TMEM267: variants seen among roughly 807,000 people sequenced by gnomAD.
TMEM267 encodes transmembrane protein C5orf28.
A neutral mutation model predicts 19.3 loss-of-function variants in TMEM267; 20 were observed. The ratio of observed to expected loss-of-function variants is 1.04; its 90% confidence interval spans 0.73 to 1.51. TMEM267 has a LOEUF of 1.51. Ranked by LOEUF, TMEM267 falls within the 40% of genes most tolerant of loss-of-function variation. The pLI is 0.00. For missense variants in TMEM267, 242 were observed against 261.9 expected, an observed-to-expected ratio of 0.92 and a Z score of 0.52; for synonymous variants, 88 against 90.3, an observed-to-expected ratio of 0.97 and a Z score of 0.15.
Position 43,445,019 on chromosome 5 carries a change from C to G in TMEM267, c.*1203G>C, listed in dbSNP as rs986897601. On this transcript the variant is annotated 3_prime_UTR_variant, in exon 3 of 3. Transcript: ENST00000397080. ...CATCTTTCCTCAGAGAATAAGGCAC[C>G]AATCACTAACATTATAAATCACAAA... The G allele has an allele frequency of 6.6e-6, 1 of 152,044 alleles. No homozygotes were observed. The highest frequency in any genetic ancestry group is 2.4e-5 in the African/African-American group (1 of 41,384). The allele number at this position is 152,044 out of a possible 1,614,324, so 9.4% of individuals were successfully genotyped here.
intron 1 of TMEM267, chr5:43,454,514 G>C (rs1742826385): frequency 6.6e-6 from 1 of 152,292 alleles, no homozygotes. Context: ...AAGTGGTCCA[G>C]GCTGAGCCAA....
intron 1 of TMEM267, among the ~76,000 whole-genome samples, chr5:43,469,716 T>G (rs951166492): frequency 1.3e-5 from 2 of 152,172 alleles, no homozygotes; most frequent in Non-Finnish European, 2.9e-5. Context: ...AAAAGTAAAC[T>G]TGGGAACTAT....
chr5:43,468,104 C>T (rs1184749442), intron 1 of TMEM267, among the ~76,000 whole-genome samples: 1 of 150,694 alleles, frequency 6.6e-6, no homozygotes, highest in African/African-American at 2.4e-5. Flanking sequence ...AACTTTCATA[C>T]CTTGGTTTAG....
intron 1 of TMEM267, among the ~76,000 whole-genome samples, chr5:43,481,987 C>G (rs1422589402): frequency 6.6e-6 from 1 of 152,136 alleles, no homozygotes; most frequent in African/African-American, 2.4e-5. Context: ...GGACTACAGG[C>G]GCCCGCCACC....
At chr5:43,478,239 T>G (rs889118679) in intron 1 of TMEM267, among the ~76,000 whole-genome samples, 1 of 152,238 alleles carries the variant, frequency 6.6e-6, no homozygotes, top group Non-Finnish European at 1.5e-5. Flanking sequence ...GTCTGTATAA[T>G]GTAATTTTAT....
At chr5:43,456,776 G>C (rs1292227606) in intron 1 of TMEM267, among the ~76,000 whole-genome samples, 1 of 152,184 alleles carries the variant, frequency 6.6e-6, no homozygotes, top group Non-Finnish European at 1.5e-5. Context: ...GGAGCAACCA[G>C]AACTCATACG....
chr5:43,446,366 G>T lies in TMEM267; in HGVS notation c.504C>A (p.Cys168Ter). 6.2e-7 allele frequency: 1 copy of T among 1,614,040 alleles called. No individual in the cohort carries two copies. ...GCAAAGGAGAAGTTTTTCCAAATGG[G>T]CATATCCACAAACCATGACGAATCC... The part of the protein sequence containing the change: ...RDGIRHGLWI[C>*]PFGKTSPLPF... The change falls in exon 3 of 3, where the codon TGC becomes TGA. Residue 168 changes from cysteine to a stop codon, truncating the protein, a stop_gained. Transcript: ENST00000397080. LOFTEE classifies it high-confidence loss of function.
At chr5:43,457,040 T>A (rs1011512746) in intron 1 of TMEM267, among the ~76,000 whole-genome samples, 1 of 151,968 alleles carries the variant, frequency 6.6e-6, no homozygotes, top group African/African-American at 2.4e-5. Flanking sequence ...GGAACAAACA[T>A]GTGATACACA....
intron 1 of TMEM267, among the ~76,000 whole-genome samples, chr5:43,480,979 T>C (rs923857142): frequency 1.3e-5 from 2 of 151,410 alleles, no homozygotes; most frequent in Non-Finnish European, 2.9e-5. Flanking sequence ...TAATTTTTTG[T>C]ATTTTTACTA....
At chr5:43,479,543 TA>T (rs1346703433) in intron 1 of TMEM267, among the ~76,000 whole-genome samples, 5 of 151,956 alleles carry the variant, frequency 3.3e-5, no homozygotes, top group African/African-American at 1.2e-4. Context: ...ATATGCACAT[TA>T]AATATATAAC....
chr5:43,458,880 A>G (rs999109905), intron 1 of TMEM267, among the ~76,000 whole-genome samples: 6 of 152,216 alleles, frequency 3.9e-5, no homozygotes. Flanking sequence ...CATCAAAATT[A>G]GTAAATGAGA....
At chr5:43,465,408 T>C (rs979929157) in intron 1 of TMEM267, among the ~76,000 whole-genome samples, 1 of 152,226 alleles carries the variant, frequency 6.6e-6, no homozygotes, top group African/African-American at 2.4e-5. Flanking sequence ...AGTGTGGCGA[T>C]TCCTCTGGGA....
chr5:43,462,039 C>A (rs1002226041), intron 1 of TMEM267, among the ~76,000 whole-genome samples: 2 of 152,278 alleles, frequency 1.3e-5, no homozygotes, highest in Middle Eastern at 3.4e-3. Context: ...GTAGTTGTGG[C>A]CACAGGGGTG....
chr5:43,467,231 T>A (rs1743793562), intron 1 of TMEM267, among the ~76,000 whole-genome samples: 1 of 151,618 alleles, frequency 6.6e-6, no homozygotes, highest in African/African-American at 2.4e-5. Flanking sequence ...AGTAAGTCCT[T>A]ACTTATTAAT....
At chr5:43,469,156 T>C (rs1428992665) in intron 1 of TMEM267, among the ~76,000 whole-genome samples, 1 of 151,704 alleles carries the variant, frequency 6.6e-6, no homozygotes, top group Non-Finnish European at 1.5e-5. Flanking sequence ...GCATCTTAAC[T>C]AGAAAAGCAA....
chr5:43,462,602 G>C (rs955742535), intron 1 of TMEM267, among the ~76,000 whole-genome samples: 1 of 152,082 alleles, frequency 6.6e-6, no homozygotes, highest in Non-Finnish European at 1.5e-5. Context: ...TAATTAAACA[G>C]AATCAAGCTG....
intron 1 of TMEM267, among the ~76,000 whole-genome samples, chr5:43,481,986 G>A (rs903330927): frequency 1.4e-4 from 21 of 152,268 alleles, no homozygotes; most frequent in Admixed American, 1.1e-3. Flanking sequence ...GGGACTACAG[G>A]CGCCCGCCAC....
At chr5:43,459,764 G>C (rs1456179276) in intron 1 of TMEM267, among the ~76,000 whole-genome samples, 1 of 152,052 alleles carries the variant, frequency 6.6e-6, no homozygotes, top group Non-Finnish European at 1.5e-5. Flanking sequence ...TTCATACTCA[G>C]GTATACAACT....
intron 1 of TMEM267, among the ~76,000 whole-genome samples, chr5:43,460,108 T>C (rs1030399253): frequency 3.3e-5 from 5 of 152,148 alleles, no homozygotes; most frequent in Non-Finnish European, 7.4e-5. Context: ...CAGTTCACAA[T>C]AGGTTCACTC....
Sources: gnomAD v4.1 joint callset for allele counts (sites outside exome capture counted in the v4.1 genomes callset) on GRCh38, gnomAD v4.1.1 for gene constraint, MANE v1.5 for transcripts, NCBI Gene and HGNC (gene_info 2026-07-23, HGNC 2026-07-21) for gene names.